EPHA6: variants seen among roughly 807,000 people sequenced by gnomAD.
EPHA6 encodes EPH receptor A6.
EPHA6 carries 50 observed loss-of-function variants against 112.0 expected under a neutral mutation model. The ratio of observed to expected loss-of-function variants is 0.45; its 90% CI spans 0.36 to 0.56. EPHA6 has a LOEUF of 0.56. Among genes scored for constraint, EPHA6 ranks in the 20% least tolerant of loss-of-function variants. The pLI is 0.00. For missense variants in EPHA6, 1,280 were observed against 1,417.4 expected (o/e 0.90, Z 1.56); for synonymous variants, 529 against 490.7 (o/e 1.08, Z -1.03).
intron 3 of EPHA6, among the ~76,000 whole-genome samples, chr3:97,041,967 C>T (rs2045332167): frequency 6.6e-6 from 1 of 152,098 alleles, no homozygotes; most frequent in African/African-American, 2.4e-5. Context: ...CAAATCCAAA[C>T]CATGTCAGTA....
At chr3:97,144,644 GT>G (rs1238954187) in intron 3 of EPHA6, among the ~76,000 whole-genome samples, 2 of 151,172 alleles carry the variant, frequency 1.3e-5, no homozygotes, top group African/African-American at 4.8e-5. Flanking sequence ...AAATAAAAAT[GT>G]TTTTTCTTCT....
At chr3:96,937,071 C>G (rs540584609) in intron 2 of EPHA6, among the ~76,000 whole-genome samples, 10 of 152,132 alleles carry the variant, frequency 6.6e-5, no homozygotes, top group African/African-American at 2.4e-4. Context: ...AATAAACATA[C>G]GTGTGCATGT....
chr3:96,849,989 C>T (rs1290942811), intron 1 of EPHA6, among the ~76,000 whole-genome samples: 4 of 152,094 alleles, frequency 2.6e-5, no homozygotes, highest in Non-Finnish European at 5.9e-5. Flanking sequence ...AAATTCCAAG[C>T]TCAAGAACAA....
intron 12 of EPHA6, among the ~76,000 whole-genome samples, chr3:97,603,632 G>A (rs1334060237): frequency 6.6e-6 from 1 of 151,784 alleles, no homozygotes; most frequent in Admixed American, 6.6e-5. Flanking sequence ...CATGTTACAG[G>A]CAAAAATCTG....
intron 2 of EPHA6, among the ~76,000 whole-genome samples, chr3:96,891,919 A>C (rs1475568009): frequency 6.6e-6 from 1 of 152,204 alleles, no homozygotes; most frequent in Non-Finnish European, 1.5e-5. Context: ...ATCCATAAAC[A>C]CAGCTGAAGT....
At chr3:96,817,021 G>A (rs1276031006) in intron 1 of EPHA6, among the ~76,000 whole-genome samples, 7 of 151,920 alleles carry the variant, frequency 4.6e-5, no homozygotes, top group African/African-American at 1.7e-4. Context: ...CAGTTAAATA[G>A]AAGCATTAAA....
intron 12 of EPHA6, among the ~76,000 whole-genome samples, chr3:97,595,645 C>G (rs1311612471): frequency 7.1e-6 from 1 of 140,488 alleles, no homozygotes; most frequent in East Asian, 2.1e-4. Flanking sequence ...AACTTCATCT[C>G]AAAAAAGAAA....
intron 1 of EPHA6, among the ~76,000 whole-genome samples, chr3:96,836,441 TTTACA>T (rs1184211662): frequency 6.6e-6 from 1 of 152,148 alleles, no homozygotes; most frequent in Admixed American, 6.6e-5. Flanking sequence ...AAGGTTCTAT[TTTACA>T]AGGTTGTTGT....
chr3:97,716,726 C>T (rs1200228661), intron 14 of EPHA6, among the ~76,000 whole-genome samples: 1 of 152,168 alleles, frequency 6.6e-6, no homozygotes, highest in East Asian at 1.9e-4. Context: ...TATATCCTCC[C>T]ATTGGAACAA....
intron 3 of EPHA6, among the ~76,000 whole-genome samples, chr3:97,085,067 A>G (rs2046850417): frequency 6.6e-6 from 1 of 152,154 alleles, no homozygotes; most frequent in Non-Finnish European, 1.5e-5. Flanking sequence ...CACAAGACAC[A>G]TGATTGCTTC....
At chr3:97,158,485 A>T (rs1381103065) in intron 3 of EPHA6, among the ~76,000 whole-genome samples, 2 of 152,138 alleles carry the variant, frequency 1.3e-5, no homozygotes, top group Admixed American at 1.3e-4. Flanking sequence ...GACAAGTCTT[A>T]ATCATTTTAG....
chr3:96,946,584 T>A (rs550107599), intron 2 of EPHA6, among the ~76,000 whole-genome samples: 1 of 152,304 alleles, frequency 6.6e-6, no homozygotes, highest in Non-Finnish European at 1.5e-5. Flanking sequence ...CTAATGGACA[T>A]TTGGGTTGGT....
At chr3:97,331,417 A>G (rs902098558) in intron 5 of EPHA6, among the ~76,000 whole-genome samples, 1 of 152,178 alleles carries the variant, frequency 6.6e-6, no homozygotes, top group Admixed American at 6.6e-5. Flanking sequence ...AGTGAAGGAA[A>G]TAGAGACACA....
At chr3:97,287,954 T>A (rs2108679335) in intron 5 of EPHA6, among the ~76,000 whole-genome samples, 1 of 152,144 alleles carries the variant, frequency 6.6e-6, no homozygotes, top group Non-Finnish European at 1.5e-5. Context: ...CCTCTGCAAT[T>A]TTTGGGAATA....
chr3:97,590,822 T>C (rs963213197), intron 11 of EPHA6, among the ~76,000 whole-genome samples: 2 of 152,234 alleles, frequency 1.3e-5, no homozygotes, highest in Non-Finnish European at 2.9e-5. Context: ...TGTATAAATA[T>C]ATGATCACCC....
intron 2 of EPHA6, among the ~76,000 whole-genome samples, chr3:96,954,104 G>A (rs1358258212): frequency 6.6e-6 from 1 of 151,944 alleles, no homozygotes; most frequent in Non-Finnish European, 1.5e-5. Context: ...AAACTCCTGG[G>A]CTCAAGTAAT....
chr3:97,565,152 A>C (rs887606158), intron 11 of EPHA6, among the ~76,000 whole-genome samples: 1 of 152,188 alleles, frequency 6.6e-6, no homozygotes, highest in Admixed American at 6.5e-5. Flanking sequence ...GAACAGAATA[A>C]ATATCAAAAG....
intron 3 of EPHA6, among the ~76,000 whole-genome samples, chr3:97,071,214 A>G (rs2046343602): frequency 6.6e-6 from 1 of 151,986 alleles, no homozygotes; most frequent in Non-Finnish European, 1.5e-5. Context: ...CACTCTTGCC[A>G]TTCTTTTGTC....
intron 2 of EPHA6, among the ~76,000 whole-genome samples, chr3:96,939,312 G>A (rs567173223): frequency 3.3e-5 from 5 of 152,128 alleles, no homozygotes; most frequent in Admixed American, 6.6e-5. Context: ...CAGACATTCA[G>A]CTTCTTCCTG....
Sources: allele counts gnomAD v4.1 joint callset (sites outside exome capture counted in the v4.1 genomes callset), GRCh38; gene constraint gnomAD v4.1.1; transcripts MANE v1.5; gene names NCBI Gene and HGNC (gene_info 2026-07-23, HGNC 2026-07-21).